NRCAM: variants seen among roughly 807,000 people sequenced by gnomAD.
NRCAM encodes the protein NgCAM-related cell adhesion molecule.
A neutral mutation model predicts 156.5 loss-of-function variants in NRCAM; 83 were observed. The ratio of observed to expected loss-of-function variants is 0.53; its 90% CI spans 0.44 to 0.64. The LOEUF (loss-of-function observed/expected upper bound fraction) is 0.64, where lower values mean the gene tolerates loss of function less well. Among genes scored for constraint, NRCAM ranks in the 30% least tolerant of loss-of-function variants. NRCAM has a pLI of 0.00. For synonymous variants in NRCAM, 538 were observed against 563.9 expected (o/e 0.95, Z 0.65); for missense variants, 1,417 against 1,597.3 (o/e 0.89, Z 1.92).
intron 27 of NRCAM, 76 bp downstream of exon 27, chr7:108,176,354 A>T (rs1354959102): frequency 7.6e-7 from 1 of 1,318,688 alleles, no homozygotes; most frequent in Non-Finnish European, 1.1e-6. Context: ...CATAGCAAGA[A>T]GGAAAAAGCA....
intron 3 of NRCAM, among the ~76,000 whole-genome samples, chr7:108,308,878 T>G (rs2098757732): frequency 6.6e-6 from 1 of 152,124 alleles, no homozygotes; most frequent in Non-Finnish European, 1.5e-5. Flanking sequence ...GCCTAATCAA[T>G]AAAGGCATCT....
In NRCAM at chr7:108,198,106, G is replaced by T. The variant is rs767647144; in HGVS notation, c.1208-7C>A. The stretch of plus-strand genomic sequence containing the variant: ...CTGGGGTCATCAGGGGCAACTGTTT[G>T]GATGTAAAAATAGAAAGTATTTATT... On this transcript the variant is annotated splice_polypyrimidine_tract_variant and splice_region_variant and intron_variant, in intron 13 of 32. Transcript: ENST00000379028. 1.9e-6 allele frequency: 3 copies of T among 1,587,418 alleles called. No homozygotes were observed. Among genetic ancestry groups the T allele is most frequent in the South Asian group, 2.3e-5 (2 of 86,246 alleles).
chr7:108,359,012 C>A (rs1413102919), intron 2 of NRCAM, among the ~76,000 whole-genome samples: 1 of 152,224 alleles, frequency 6.6e-6, no homozygotes, highest in Admixed American at 6.5e-5. Flanking sequence ...CAGAGTTATA[C>A]TCACCTCCTA....
At chr7:108,315,223 A>T (rs2098891946) in intron 2 of NRCAM, among the ~76,000 whole-genome samples, 1 of 152,196 alleles carries the variant, frequency 6.6e-6, no homozygotes, top group Non-Finnish European at 1.5e-5. Flanking sequence ...TGGTCTTAAC[A>T]GAAATTTGAC....
At chr7:108,426,880 A>T (rs1374461827) in intron 1 of NRCAM, among the ~76,000 whole-genome samples, 1 of 152,232 alleles carries the variant, frequency 6.6e-6, no homozygotes, top group East Asian at 1.9e-4. Flanking sequence ...GCAGTTTACT[A>T]TTCCTTGAAC....
chr7:108,233,846 T>G (rs1266604241), intron 6 of NRCAM, among the ~76,000 whole-genome samples: 3 of 152,222 alleles, frequency 2.0e-5, no homozygotes, highest in Non-Finnish European at 2.9e-5. Context: ...CATATATGAC[T>G]GGACATGTTA....
chr7:108,268,958 A>T (rs1434124726), intron 3 of NRCAM, among the ~76,000 whole-genome samples: 1 of 152,182 alleles, frequency 6.6e-6, no homozygotes, highest in Non-Finnish European at 1.5e-5. Flanking sequence ...AAGTACTATT[A>T]TTATCCTCGC....
At chr7:108,421,815 A>C (rs1257178740) in intron 1 of NRCAM, among the ~76,000 whole-genome samples, 1 of 152,200 alleles carries the variant, frequency 6.6e-6, no homozygotes, top group Non-Finnish European at 1.5e-5. Flanking sequence ...TTATTTTGAG[A>C]ACTCTGTGGT....
In NRCAM at chr7:108,446,021, C is replaced by T. The variant is rs1348031857; in HGVS notation, c.-332+10222G>A. On this transcript the variant is annotated intron_variant, in intron 1 of 32. Coordinates refer to ENST00000379028, the MANE Select transcript of NRCAM (RefSeq NM_001037132.4). The stretch of plus-strand genomic sequence containing the variant: ...GGGTAGAAAGCAATCTCAGAAAGTG[C>T]TTAACTCAGTCAGTGTGCAGCCACC... 2.0e-5 allele frequency among the ~76,000 whole-genome samples: 3 copies of T among 152,134 alleles called. No homozygotes were observed. In the East Asian group the frequency reaches 5.8e-4, roughly 29 times the overall value.
At chr7:108,288,752 G>C (rs1392325800) in intron 3 of NRCAM, among the ~76,000 whole-genome samples, 2 of 152,026 alleles carry the variant, frequency 1.3e-5, no homozygotes, top group Non-Finnish European at 2.9e-5. Flanking sequence ...AGTAACAGTA[G>C]GGAAAGTGTT....
intron 1 of NRCAM, among the ~76,000 whole-genome samples, chr7:108,435,882 C>T (rs1199797841): frequency 6.6e-6 from 1 of 152,224 alleles, no homozygotes; most frequent in Non-Finnish European, 1.5e-5. Flanking sequence ...CCTGTAATCC[C>T]AGCACTTTGG....
chr7:108,378,086 A>T lies in NRCAM; in HGVS notation c.-174+21350T>A, dbSNP rs114417685. 1.2e-3 allele frequency among the ~76,000 whole-genome samples: 181 copies of T among 152,332 alleles called. 1 individual carries two copies. Among genetic ancestry groups the T allele is most frequent in the African/African-American group, 3.9e-3 (162 of 41,572 alleles). ...CAACAAATATAATTTCATAATTTTT[A>T]AAAAATTTGAATTACATGAAAAAGA... On this transcript the variant is annotated intron_variant, in intron 2 of 32. Coordinates refer to ENST00000379028, the MANE Select transcript of NRCAM (RefSeq NM_001037132.4).
chr7:108,416,033 T>G (rs1432572355), intron 1 of NRCAM, among the ~76,000 whole-genome samples: 1 of 152,238 alleles, frequency 6.6e-6, no homozygotes, highest in Non-Finnish European at 1.5e-5. Context: ...CCTTTTCCTC[T>G]GAGAGATGCT....
At chr7:108,442,655 C>T (rs2041001) in intron 1 of NRCAM, among the ~76,000 whole-genome samples, 144,487 of 152,314 alleles carry the variant, frequency 0.95, 68,678 homozygotes, top group African/African-American at 0.99. Flanking sequence ...TGGTCCCATG[C>T]TAGTACATCT....
chr7:108,199,380 T>C (rs187576895), intron 13 of NRCAM, among the ~76,000 whole-genome samples: 2 of 152,364 alleles, frequency 1.3e-5, no homozygotes, highest in African/African-American at 4.8e-5. Flanking sequence ...CCACGGTTGC[T>C]GTAACAACTT....
At position 108,194,401 on chromosome 7, in the gene NRCAM, A is replaced by AAG; in HGVS notation, c.1489_1490dup (p.His498PhefsTer35). ...CATGTAAAACATAAATATCTTCATG[A>AAG]AGAGCACTTCCTTTAGCTCCTTTAA... On this transcript the variant is annotated frameshift_variant, in exon 16 of 33. Coordinates refer to ENST00000379028, the MANE Select transcript of NRCAM (RefSeq NM_001037132.4). LOFTEE classifies it high-confidence loss of function. The AAG allele has an allele frequency of 6.2e-7, 1 of 1,610,184 alleles. No homozygotes were observed. Among genetic ancestry groups the AAG allele is most frequent in the East Asian group, 2.2e-5 (1 of 44,858 alleles).
intron 1 of NRCAM, among the ~76,000 whole-genome samples, chr7:108,431,675 C>T (rs1249704852): frequency 6.6e-6 from 1 of 152,178 alleles, no homozygotes; most frequent in Non-Finnish European, 1.5e-5. Context: ...GTCCCAGCTA[C>T]TCAGGTGGCT....
intron 1 of NRCAM, among the ~76,000 whole-genome samples, chr7:108,445,129 A>G (rs1326456451): frequency 6.6e-6 from 1 of 152,246 alleles, no homozygotes; most frequent in Non-Finnish European, 1.5e-5. Flanking sequence ...CCTGACACAC[A>G]ACAAAATTAT....
At chr7:108,182,356 G>A (rs186480987) in intron 23 of NRCAM, among the ~76,000 whole-genome samples, 3 of 152,054 alleles carry the variant, frequency 2.0e-5, no homozygotes, top group Admixed American at 2.0e-4. Flanking sequence ...GGAAAACACA[G>A]TATTCCTGGG....
Sources: gnomAD v4.1 joint callset for allele counts (sites outside exome capture counted in the v4.1 genomes callset) on GRCh38, gnomAD v4.1.1 for gene constraint, MANE v1.5 for transcripts, NCBI Gene and HGNC (gene_info 2026-07-23, HGNC 2026-07-21) for gene names.